CSGALNACT1: variants seen among roughly 807,000 people sequenced by gnomAD.
CSGALNACT1 encodes the protein beta4GalNAcT-1.
A neutral mutation model predicts 51.0 loss-of-function variants in CSGALNACT1; 52 were observed. The observed-to-expected ratio is 1.02, with a 90% confidence interval of 0.82 to 1.29. CSGALNACT1 has a LOEUF of 1.29. CSGALNACT1 is among the 50% of genes most tolerant of loss of function. The probability of loss-of-function intolerance (pLI) is 0.00; values close to 1 mark genes in which losing one functional copy is unlikely to be tolerated. For missense variants in CSGALNACT1, 935 were observed against 679.2 expected (o/e 1.38, Z -4.19); for synonymous variants, 341 against 254.4 (o/e 1.34, Z -3.24).
At chr8:19,653,375 T>C (rs1189252029) in intron 1 of CSGALNACT1, among the ~76,000 whole-genome samples, 1 of 152,204 alleles carries the variant, frequency 6.6e-6, no homozygotes, top group Non-Finnish European at 1.5e-5. Context: ...CCTTGGACAC[T>C]GGTCCCATTG....
chr8:19,564,853 G>A (rs1270939244), intron 3 of CSGALNACT1, among the ~76,000 whole-genome samples: 2 of 152,160 alleles, frequency 1.3e-5, no homozygotes, highest in Non-Finnish European at 2.9e-5. Context: ...CCTTTATCTG[G>A]GTTGTTCAGC....
At chr8:19,751,425 G>C (rs1019981689) in intron 1 of CSGALNACT1, among the ~76,000 whole-genome samples, 1 of 152,184 alleles carries the variant, frequency 6.6e-6, no homozygotes, top group Non-Finnish European at 1.5e-5. Flanking sequence ...AATTGTGACA[G>C]AAGCGAAACA....
intron 1 of CSGALNACT1, among the ~76,000 whole-genome samples, chr8:19,708,726 G>A (rs573555051): frequency 1.4e-4 from 21 of 152,186 alleles, no homozygotes; most frequent in Admixed American, 7.2e-4. Flanking sequence ...TCCACTGGCC[G>A]TTCTGTCCAC....
At chr8:19,455,255 A>C (rs534781107) in intron 5 of CSGALNACT1, among the ~76,000 whole-genome samples, 1 of 152,236 alleles carries the variant, frequency 6.6e-6, no homozygotes, top group Non-Finnish European at 1.5e-5. Context: ...CTTTCACTGA[A>C]TCTTTAAACA....
chr8:19,675,425 G>A (rs1179904074), intron 1 of CSGALNACT1, among the ~76,000 whole-genome samples: 1 of 152,150 alleles, frequency 6.6e-6, no homozygotes, highest in Admixed American at 6.5e-5. Flanking sequence ...GGATTCTTAT[G>A]AATCAGAAAA....
chr8:19,691,766 T>C (rs2061335493), intron 1 of CSGALNACT1, among the ~76,000 whole-genome samples: 3 of 152,148 alleles, frequency 2.0e-5, no homozygotes, highest in African/African-American at 7.2e-5. Flanking sequence ...TGGAACACTG[T>C]AAGAGCCACA....
At chr8:19,745,369 T>C (rs1338451410) in intron 1 of CSGALNACT1, among the ~76,000 whole-genome samples, 1 of 152,220 alleles carries the variant, frequency 6.6e-6, no homozygotes, top group Non-Finnish European at 1.5e-5. Flanking sequence ...TAATTGTACA[T>C]ACTTATGGGG....
At chr8:19,583,754 T>C (rs1564146386) in intron 3 of CSGALNACT1, among the ~76,000 whole-genome samples, 1 of 152,226 alleles carries the variant, frequency 6.6e-6, no homozygotes, top group Non-Finnish European at 1.5e-5. Flanking sequence ...ACTGCTACCT[T>C]GCATCAGCCA....
chr8:19,556,985 A>C (rs1379116682), intron 3 of CSGALNACT1, among the ~76,000 whole-genome samples: 1 of 151,826 alleles, frequency 6.6e-6, no homozygotes, highest in Non-Finnish European at 1.5e-5. Flanking sequence ...CCCAGCCAAA[A>C]AAAAAAAAAA....
At chr8:19,676,825 C>T (rs893948473) in intron 1 of CSGALNACT1, among the ~76,000 whole-genome samples, 6 of 152,130 alleles carry the variant, frequency 3.9e-5, no homozygotes, top group Non-Finnish European at 8.8e-5. Flanking sequence ...AACTGGGAGG[C>T]TCGGTACTGG....
chr8:19,648,017 G>A lies in CSGALNACT1; in HGVS notation c.-544+34456C>T, dbSNP rs534232186. ...GGCCAAGTTCTGCTGCAAGTGGAAA[G>A]TAAATACATTGTTGCTCAGGGTTTC... On this transcript the variant is annotated intron_variant, in intron 1 of 9. Transcript: ENST00000332246. 2.0e-5 allele frequency among the ~76,000 whole-genome samples: 3 copies of A among 152,324 alleles called. No individual in the cohort carries two copies. The South Asian group carries it at 6.2e-4, about 32-fold the overall frequency.
chr8:19,511,278 G>C (rs1456960370), intron 3 of CSGALNACT1, among the ~76,000 whole-genome samples: 3 of 152,226 alleles, frequency 2.0e-5, no homozygotes, highest in South Asian at 2.1e-4. Context: ...AAAACAAGCA[G>C]TGTCTATGGG....
At chr8:19,666,074 T>C (rs1307540830) in intron 1 of CSGALNACT1, among the ~76,000 whole-genome samples, 1 of 152,194 alleles carries the variant, frequency 6.6e-6, no homozygotes, top group Non-Finnish European at 1.5e-5. Context: ...TTTCAAGTTG[T>C]TTGTCTAGTT....
Position 19,502,653 on chromosome 8 carries a change from C to T in CSGALNACT1, c.634+2548G>A, listed in dbSNP as rs987656093. On this transcript the variant is annotated intron_variant, in intron 4 of 9. Coordinates refer to ENST00000454498, the Ensembl canonical transcript of CSGALNACT1. ...GCCTCAACCATGGATTACTGAAACCCAAAACCTCAAATCACTCTAAGGTTA... is the reference window on the plus strand; with the variant it reads ...GCCTCAACCATGGATTACTGAAACCTAAAACCTCAAATCACTCTAAGGTTA... Among the ~76,000 whole-genome samples, 3 of 152,126 alleles carry T rather than the reference C, an allele frequency of 2.0e-5. No homozygotes were observed. In the East Asian group the frequency reaches 5.8e-4, roughly 29 times the overall value.
intron 3 of CSGALNACT1, among the ~76,000 whole-genome samples, chr8:19,578,856 G>A (rs1363826525): frequency 1.3e-5 from 2 of 152,024 alleles, no homozygotes; most frequent in African/African-American, 4.8e-5. Flanking sequence ...CATCCTATCT[G>A]ATATCAAGAC....
intron 3 of CSGALNACT1, among the ~76,000 whole-genome samples, chr8:19,579,398 T>C (rs2045058530): frequency 6.6e-6 from 1 of 152,236 alleles, no homozygotes; most frequent in African/African-American, 2.4e-5. Context: ...TGCTTTTCAC[T>C]ACAGGTCTCA....
chr8:19,512,498 G>T (rs1366089243), intron 3 of CSGALNACT1, among the ~76,000 whole-genome samples: 1 of 152,028 alleles, frequency 6.6e-6, no homozygotes, highest in Non-Finnish European at 1.5e-5. Flanking sequence ...TAATTCACAG[G>T]GTCACAGACT....
At chr8:19,675,919 C>T (rs1297733689) in intron 1 of CSGALNACT1, among the ~76,000 whole-genome samples, 1 of 151,820 alleles carries the variant, frequency 6.6e-6, no homozygotes, top group African/African-American at 2.4e-5. Flanking sequence ...CACACCAGGG[C>T]CCAAATCTCA....
intron 5 of CSGALNACT1, among the ~76,000 whole-genome samples, chr8:19,447,877 C>T (rs995723479): frequency 1.3e-5 from 2 of 152,178 alleles, no homozygotes; most frequent in Admixed American, 1.3e-4. Context: ...GCTTTCTTTA[C>T]AGCAAACAAA....
Sources: gnomAD v4.1 joint callset for allele counts (sites outside exome capture counted in the v4.1 genomes callset) on GRCh38, gnomAD v4.1.1 for gene constraint, MANE v1.5 for transcripts, NCBI Gene and HGNC (gene_info 2026-07-23, HGNC 2026-07-21) for gene names.